The following FGF13 variants were observed in gnomAD, a reference collection of about 807,000 sequenced individuals.
The protein encoded by FGF13 is fibroblast growth factor 13.
Under a neutral mutation model 19.5 loss-of-function variants are expected in FGF13, and 2 were observed. That is an observed-to-expected ratio of 0.10 (90% CI 0.04 to 0.32). The LOEUF is 0.32. FGF13 is among the 10% of genes least tolerant of loss of function. FGF13 has a pLI of 1.00. For synonymous variants in FGF13, 72 were observed against 76.9 expected, an observed-to-expected ratio of 0.94 and a Z score of 0.33; for missense variants, 113 against 192.7, an observed-to-expected ratio of 0.59 and a Z score of 2.45.
chrX:138,766,843 A>G (rs777297822), intron 3 of FGF13, among the ~76,000 whole-genome samples: 1 of 112,290 alleles, frequency 8.9e-6, no homozygotes, highest in African/African-American at 3.2e-5. Context: ...TAATTTTTGT[A>G]TATGGTGAAG....
At chrX:138,953,129 G>A (rs1335616176) in intron 1 of FGF13, among the ~76,000 whole-genome samples, 1 of 110,697 alleles carries the variant, frequency 9.0e-6, no homozygotes, top group African/African-American at 3.3e-5. Flanking sequence ...ACATGCACAC[G>A]TATGTTTATT....
chrX:139,181,522 G>A (rs1485185671), intron 1 of FGF13, among the ~76,000 whole-genome samples: 1 of 112,692 alleles, frequency 8.9e-6, no homozygotes, highest in African/African-American at 3.2e-5. Flanking sequence ...GGGCGGTTGA[G>A]ACTGACTCTA....
At chrX:138,779,200 CCA>C (rs2090617101) in intron 3 of FGF13, among the ~76,000 whole-genome samples, 1 of 110,270 alleles carries the variant, frequency 9.1e-6, no homozygotes, top group Non-Finnish European at 1.9e-5. Context: ...GTAGATAAAA[CCA>C]CAAAGATGGG....
chrX:138,786,449 A>T (rs978033700), intron 3 of FGF13, among the ~76,000 whole-genome samples: 2 of 111,864 alleles, frequency 1.8e-5, no homozygotes, highest in African/African-American at 6.5e-5. Flanking sequence ...CCAAGTAAGG[A>T]TGACTCAGTC....
chrX:138,816,835 C>T (rs1366410947), intron 3 of FGF13, among the ~76,000 whole-genome samples: 1 of 111,729 alleles, frequency 9.0e-6, no homozygotes, highest in African/African-American at 3.3e-5. Context: ...AATTCTTCTT[C>T]TTCCAATATG....
intron 1 of FGF13, among the ~76,000 whole-genome samples, chrX:138,928,792 T>C (rs1186060960): frequency 9.0e-6 from 1 of 111,592 alleles, no homozygotes; most frequent in South Asian, 3.8e-4. Flanking sequence ...TCAATATCAA[T>C]GAGACATGAA....
intron 1 of FGF13, among the ~76,000 whole-genome samples, chrX:139,078,019 T>A (rs1413590480): frequency 3.6e-5 from 4 of 111,369 alleles, no homozygotes; most frequent in Non-Finnish European, 1.9e-5. Flanking sequence ...TCAAGCAACA[T>A]CTCCAGAGCC....
At chrX:138,913,280 C>A (rs1246324021) in intron 1 of FGF13, among the ~76,000 whole-genome samples, 2 of 93,473 alleles carry the variant, frequency 2.1e-5, no homozygotes, top group Non-Finnish European at 4.1e-5. Context: ...AATTCTTCTG[C>A]CTCAGCCTCC....
intron 3 of FGF13, among the ~76,000 whole-genome samples, chrX:138,653,077 T>G (rs891011760): frequency 8.0e-5 from 9 of 111,853 alleles, no homozygotes; most frequent in Non-Finnish European, 1.7e-4. Flanking sequence ...CTAGTATTTA[T>G]CTCTGATGTT....
rs1309147823 is a variant in FGF13 at position 138,677,399 on chromosome X, A to C, written c.402+25585T>G. The stretch of plus-strand genomic sequence containing the variant: ...ATCAGAGTGAACAGGCAACCTACAA[A>C]ATGGGAGAAAATTTTCACAACCTAC... On this transcript the variant is annotated intron_variant, in intron 3 of 4. Transcript: ENST00000315930. Among the ~76,000 whole-genome samples, 7 of 110,027 alleles carry C rather than the reference A, an allele frequency of 6.4e-5. No individual in the cohort carries two copies. The East Asian group carries it at 2.0e-3, about 31-fold the overall frequency.
intron 3 of FGF13, among the ~76,000 whole-genome samples, chrX:138,653,094 G>C (rs2089394691): frequency 9.0e-6 from 1 of 111,715 alleles, no homozygotes; most frequent in African/African-American, 3.3e-5. Flanking sequence ...TGTTTCATGG[G>C]GGCTTAACAC....
intron 1 of FGF13, among the ~76,000 whole-genome samples, chrX:138,734,192 A>G (rs1247900210): frequency 8.9e-6 from 1 of 112,041 alleles, no homozygotes; most frequent in African/African-American, 3.2e-5. Flanking sequence ...GCTTGTATGC[A>G]ATCCAGTGCA....
intron 1 of FGF13, among the ~76,000 whole-genome samples, chrX:139,032,807 T>C (rs911196919): frequency 4.6e-5 from 5 of 109,651 alleles, no homozygotes; most frequent in Admixed American, 2.0e-4. Flanking sequence ...TGGATGGATA[T>C]TTCTTTATTC....
intron 1 of FGF13, among the ~76,000 whole-genome samples, chrX:139,026,829 G>A (rs900115676): frequency 1.8e-5 from 2 of 111,779 alleles, no homozygotes; most frequent in African/African-American, 6.5e-5. Flanking sequence ...CTGTGACCCA[G>A]CACACCTTGG....
chrX:138,635,293 T>C (rs2089169999), intron 4 of FGF13, among the ~76,000 whole-genome samples, 164 bp downstream of exon 4: 1 of 111,391 alleles, frequency 9.0e-6, no homozygotes, highest in African/African-American at 3.3e-5. Flanking sequence ...CTGGGTACAG[T>C]GTATACTGCT....
chrX:139,073,376 A>T (rs746905551), intron 1 of FGF13, among the ~76,000 whole-genome samples: 3 of 111,377 alleles, frequency 2.7e-5, no homozygotes, highest in Non-Finnish European at 5.6e-5. Flanking sequence ...AATAATAAAA[A>T]TAATAATATC....
At chrX:138,933,040 T>A (rs1315610696) in intron 1 of FGF13, among the ~76,000 whole-genome samples, 1 of 111,178 alleles carries the variant, frequency 9.0e-6, no homozygotes, top group Admixed American at 9.6e-5. Context: ...AAAAGAGAGG[T>A]CACCGGCTTT....
At chrX:139,160,568 A>T (rs1230662674) in intron 1 of FGF13, among the ~76,000 whole-genome samples, 1 of 111,941 alleles carries the variant, frequency 8.9e-6, no homozygotes, top group East Asian at 2.8e-4. Flanking sequence ...TTTTTGGAAA[A>T]GATTAACAAA....
chrX:138,994,087 G>A (rs1228009857), intron 1 of FGF13, among the ~76,000 whole-genome samples: 1 of 111,596 alleles, frequency 9.0e-6, no homozygotes, highest in African/African-American at 3.3e-5. Flanking sequence ...TTTTGTTTTA[G>A]TCTGATCAGA....
Sources: gnomAD v4.1 joint callset for allele counts (sites outside exome capture counted in the v4.1 genomes callset) on GRCh38, gnomAD v4.1.1 for gene constraint, MANE v1.5 for transcripts, NCBI Gene and HGNC (gene_info 2026-07-23, HGNC 2026-07-21) for gene names.